NSMCE4A: variants seen among roughly 807,000 people sequenced by gnomAD.
NSMCE4A encodes NSE4A component of SMC5/6 complex, also known as non-structural maintenance of chromosomes element 4 homolog A.
NSMCE4A carries 40 observed loss-of-function variants against 47.9 expected under a neutral mutation model. That is an observed-to-expected ratio of 0.83 (90% CI 0.65 to 1.09). The LOEUF (loss-of-function observed/expected upper bound fraction) is 1.09. Among genes scored for constraint, NSMCE4A ranks in the 50% least tolerant of loss-of-function variants. NSMCE4A has a pLI of 0.00. For synonymous variants in NSMCE4A, 166 were observed against 178.5 expected (o/e 0.93, Z 0.56); for missense variants, 500 against 507.0 (o/e 0.99, Z 0.13).
chr10:121,960,264 A>G lies in NSMCE4A; in HGVS notation c.988+94T>C. On this transcript the variant is annotated intron_variant, in intron 8 of 10. Transcript: ENST00000369023. The surrounding 1 kb of genome is among the most constrained non-coding windows in gnomAD (Gnocchi z 4.2). ...TACAATATTGTAAAAGTTAATCTAC[A>G]TTGAAAATTCATTTACATTTAGTAA... The G allele has an allele frequency of 1.2e-6, 1 of 827,584 alleles. No homozygotes were observed. The highest frequency in any genetic ancestry group is 1.8e-6 in the Non-Finnish European group (1 of 571,056). 51.3% of individuals were successfully genotyped at this position (827,584 alleles called of 1,614,324 possible). A position where few individuals can be genotyped will look rare whatever the true frequency, so the allele number is the denominator to read the frequency against.
Position 121,975,074 on chromosome 10 carries a change from C to A in NSMCE4A, c.92G>T (p.Arg31Leu), listed in dbSNP as rs1374777991. ...GCGGGACCTGGGCGACAAAGGGGACCGCGAGCGGGAGCGGGAGCGGGTGCG... is the reference window on the plus strand; with the variant it reads ...GCGGGACCTGGGCGACAAAGGGGACAGCGAGCGGGAGCGGGAGCGGGTGCG... ...RDRTRSRSRSRSPLSPRSRRG... is the reference protein window; with the variant it reads ...RDRTRSRSRSLSPLSPRSRRG... Residue 31 changes from arginine (R) to leucine (L), a missense_variant, in exon 1 of 11, where the codon CGG (arginine) becomes CTG (leucine). Physicochemically the swap from Arg to Leu is moderately radical, Grantham distance 102 (BLOSUM62 -2). Coordinates refer to ENST00000369023, the MANE Select transcript of NSMCE4A (RefSeq NM_017615.3). 2 of 1,447,742 alleles carry A rather than the reference C, an allele frequency of 1.4e-6. No homozygotes were observed. Among genetic ancestry groups the A allele is most frequent in the Admixed American group, 3.0e-5 (1 of 32,862 alleles). 89.7% of individuals were successfully genotyped at this position (1,447,742 alleles called of 1,614,324 possible).
chr10:121,974,486 C>G, intron 1 of NSMCE4A: 1 of 998,910 alleles, frequency 1.0e-6, no homozygotes. Flanking sequence ...TTTGACAGCT[C>G]TCGCGTGCCG....
intron 5 of NSMCE4A, among the ~76,000 whole-genome samples, chr10:121,963,647 A>T (rs1307187016): frequency 1.4e-5 from 2 of 147,596 alleles, no homozygotes; most frequent in East Asian, 4.0e-4. Context: ...CTGGCTAATT[A>T]AAAAAAATTT....
chr10:121,971,715 T>A (rs546390489), intron 2 of NSMCE4A, among the ~76,000 whole-genome samples: 1 of 152,316 alleles, frequency 6.6e-6, no homozygotes, highest in Non-Finnish European at 1.5e-5. Flanking sequence ...GATGATCATG[T>A]GTGCTGACGT....
chr10:121,972,448 C>G (rs1378585458), intron 2 of NSMCE4A, among the ~76,000 whole-genome samples: 1 of 152,200 alleles, frequency 6.6e-6, no homozygotes, highest in Non-Finnish European at 1.5e-5. Flanking sequence ...GCCCCACTCC[C>G]TTCCCCTTTC....
At chr10:121,964,364 C>G (rs546112356) in intron 5 of NSMCE4A, among the ~76,000 whole-genome samples, 1 of 152,232 alleles carries the variant, frequency 6.6e-6, no homozygotes, top group South Asian at 2.1e-4. Flanking sequence ...AGGCTGGTTT[C>G]TAACTCCTGA....
chr10:121,957,821 A>C (rs1952426244), intron 10 of NSMCE4A, among the ~76,000 whole-genome samples: 1 of 152,158 alleles, frequency 6.6e-6, no homozygotes. Context: ...CATTAAGTAC[A>C]AAAAAGTTTA....
chr10:121,960,503 A>C lies in NSMCE4A; in HGVS notation c.940-97T>G. On this transcript the variant is annotated intron_variant, in intron 7 of 10. Transcript: ENST00000369023. The surrounding 1 kb of genome is among the most constrained non-coding windows in gnomAD (Gnocchi z 4.2). Reference sequence around the variant, plus strand: ...AATTACTCAGAAAATTCAGTATCTCAGAAAATCAAATTACACCATAGCAAT... The same window carrying C: ...AATTACTCAGAAAATTCAGTATCTCCGAAAATCAAATTACACCATAGCAAT... 2.5e-6 allele frequency: 2 copies of C among 796,632 alleles called. No individual in the cohort carries two copies. The highest frequency in any genetic ancestry group is 1.8e-5 in the African/African-American group (1 of 54,360). 49.3% of individuals were successfully genotyped at this position (796,632 alleles called of 1,614,324 possible).
chr10:121,964,004 G>C (rs1292205843), intron 5 of NSMCE4A, among the ~76,000 whole-genome samples: 1 of 150,258 alleles, frequency 6.7e-6, no homozygotes, highest in African/African-American at 2.4e-5. Context: ...GCTGAGGCAG[G>C]AGAATGGCTT....
At chr10:121,974,206 C>A in intron 1 of NSMCE4A, 125 bp from the exon 2 acceptor site, 1 of 1,372,750 alleles carries the variant, frequency 7.3e-7, no homozygotes, top group Non-Finnish European at 9.8e-7. Flanking sequence ...TTACTTCGAA[C>A]ATCTTTATCT....
intron 1 of NSMCE4A, 69 bp downstream of exon 1, chr10:121,974,805 C>T: frequency 8.1e-7 from 1 of 1,237,696 alleles, no homozygotes; most frequent in Non-Finnish European, 1.0e-6. Context: ...GGTGCCCTCC[C>T]CCCGCGCCCG....
chr10:121,970,906 T>C (rs745838284), intron 3 of NSMCE4A, 33 bp downstream of exon 3: 4 of 1,558,378 alleles, frequency 2.6e-6, no homozygotes, highest in Non-Finnish European at 3.5e-6. Context: ...TAACAGAACA[T>C]TTTTTATTCA....
chr10:121,961,556 G>A (rs12247367), intron 6 of NSMCE4A, 39 bp from the exon 7 acceptor site: 210,776 of 1,290,478 alleles, frequency 0.16, 17,795 homozygotes, highest in Middle Eastern at 0.18. Context: ...ATTTTTGCTT[G>A]TCATTAATAT....
chr10:121,962,109 T>TAA (rs71022875), intron 6 of NSMCE4A: 58 of 294,530 alleles, frequency 2.0e-4, no homozygotes, highest in South Asian at 4.1e-4. Flanking sequence ...GACTGTCTCC[T>TAA]AAAAAAAAAA....
intron 5 of NSMCE4A, among the ~76,000 whole-genome samples, chr10:121,964,045 G>A (rs559257688): frequency 6.8e-6 from 1 of 146,480 alleles, no homozygotes; most frequent in Admixed American, 6.8e-5. Context: ...GCAGTGAGCC[G>A]AGATCGCGCC....
intron 4 of NSMCE4A, 43 bp downstream of exon 4, chr10:121,967,612 G>A (rs1952630570): frequency 6.3e-7 from 1 of 1,580,390 alleles, no homozygotes; most frequent in Non-Finnish European, 8.6e-7. Flanking sequence ...GCAATTTAAG[G>A]TTCACAAATA....
chr10:121,967,547 G>T, intron 4 of NSMCE4A, 108 bp downstream of exon 4: 1 of 1,189,140 alleles, frequency 8.4e-7, no homozygotes. Context: ...CCAAACAACG[G>T]CATCATGACT....
chr10:121,964,573 C>T (rs1952569740), intron 5 of NSMCE4A, among the ~76,000 whole-genome samples: 2 of 152,136 alleles, frequency 1.3e-5, no homozygotes, highest in Admixed American at 1.3e-4. Flanking sequence ...TCCCGAATAG[C>T]CCGGACTACA....
At chr10:121,962,398 G>A (rs1443785329) in intron 6 of NSMCE4A, among the ~76,000 whole-genome samples, 5 of 148,224 alleles carry the variant, frequency 3.4e-5, no homozygotes, top group Non-Finnish European at 7.4e-5. Context: ...CAGCCTGGGC[G>A]ACAGAGCGAG....
Sources: allele counts gnomAD v4.1 joint callset (sites outside exome capture counted in the v4.1 genomes callset), GRCh38; gene constraint gnomAD v4.1.1; non-coding constraint Gnocchi (gnomAD v3.1); transcripts MANE v1.5; gene names NCBI Gene and HGNC (gene_info 2026-07-23, HGNC 2026-07-21).